ALS2: variants seen among roughly 807,000 people sequenced by gnomAD.
ALS2 encodes alsin Rho guanine nucleotide exchange factor ALS2.
ALS2 carries 117 observed loss-of-function variants against 203.4 expected under a neutral mutation model. That is an observed-to-expected ratio of 0.58 (90% CI 0.50 to 0.67). ALS2 has a LOEUF of 0.67. ALS2 is among the 30% of genes least tolerant of loss of function. The pLI is 0.00. For missense variants in ALS2, 1,715 were observed against 1,989.4 expected (o/e 0.86, Z 2.62); for synonymous variants, 718 against 725.9 (o/e 0.99, Z 0.17).
At chr2:201,709,684 A>G (rs983732758) in intron 27 of ALS2, among the ~76,000 whole-genome samples, 197 bp downstream of exon 27, 1 of 152,324 alleles carries the variant, frequency 6.6e-6, no homozygotes, top group Non-Finnish European at 1.5e-5. Flanking sequence ...AAGACATAAA[A>G]ATAAATAAAT....
At chr2:201,728,448 T>C (rs1170728465) in intron 15 of ALS2, 64 bp downstream of exon 15, 1 of 1,581,774 alleles carries the variant, frequency 6.3e-7, no homozygotes. Flanking sequence ...AAACTGATAG[T>C]ACAGTTAATA....
intron 15 of ALS2, among the ~76,000 whole-genome samples, chr2:201,728,252 G>A (rs572951975): frequency 1.3e-5 from 2 of 150,592 alleles, no homozygotes; most frequent in Admixed American, 6.6e-5. Flanking sequence ...CTCCTCCCCC[G>A]ACCCCACGAC....
intron 12 of ALS2, among the ~76,000 whole-genome samples, chr2:201,734,511 A>C (rs1309338513): frequency 6.6e-6 from 1 of 151,400 alleles, no homozygotes; most frequent in Non-Finnish European, 1.5e-5. Context: ...GATTTTATTT[A>C]TATTTGGCTG....
In ALS2 at chr2:201,737,912, A is replaced by G. The variant is rs1304696997; in HGVS notation, c.2417+758T>C. ...ATTCCAGCCTGGATGACAGAGCGAGACCCCGTCTCAAAAAAAAAAAAGCAA... is the reference window on the plus strand; with the variant it reads ...ATTCCAGCCTGGATGACAGAGCGAGGCCCCGTCTCAAAAAAAAAAAAGCAA... On this transcript the variant is annotated intron_variant, in intron 12 of 33. Transcript: ENST00000264276. Among the ~76,000 whole-genome samples the G allele has an allele frequency of 2.0e-5, 3 of 150,704 alleles. No homozygotes were observed. The East Asian group carries it at 5.8e-4, about 29-fold the overall frequency.
At chr2:201,705,053 A>G (rs989893114) in intron 31 of ALS2, 86 bp downstream of exon 31, 64 of 1,312,744 alleles carry the variant, frequency 4.9e-5, no homozygotes, top group Non-Finnish European at 6.8e-5. Context: ...CTTAAGGCTT[A>G]GGTAAAGATA....
intron 29 of ALS2, 49 bp downstream of exon 29, chr2:201,706,797 G>C (rs1460616578): frequency 6.2e-7 from 1 of 1,603,768 alleles, no homozygotes; most frequent in African/African-American, 1.3e-5. Flanking sequence ...AATGCAGTTT[G>C]CATTTTAAAT....
chr2:201,710,284 C>T (rs554944456), intron 26 of ALS2, among the ~76,000 whole-genome samples: 167 of 152,068 alleles, frequency 1.1e-3, no homozygotes, highest in Non-Finnish European at 2.2e-3. Context: ...TTTGGAAGTA[C>T]TGATATGGAA....
chr2:201,715,805 C>G lies in ALS2; in HGVS notation c.3871G>C (p.Glu1291Gln). Residue 1291 changes from glutamate to glutamine, a missense_variant, in exon 25 of 34, where the codon GAG becomes CAG. By Grantham distance (29) the Glu-to-Gln change is conservative (BLOSUM62 2). Around this residue, in one of 3 missense-constraint regions of ALS2, gnomAD observed 1,227 missense variants for 1,413.5 expected, o/e 0.87. Transcript: ENST00000264276. ...KLGNLAVPADEKWKAVFDECW... is the reference protein window; with the variant it reads ...KLGNLAVPADQKWKAVFDECW... ...TCGTCAAACACCGCTTTCCACTTCT[C>G]ATCAGCTGGCACTGCCAGGTTTCCT... is the stretch of plus-strand genomic sequence containing the variant. 6.2e-7 allele frequency: 1 copy of G among 1,614,228 alleles called. No homozygotes were observed. Among genetic ancestry groups the G allele is most frequent in the South Asian group, 1.1e-5 (1 of 91,082 alleles).
In ALS2 at chr2:201,741,743, T is replaced by C. The variant is rs370377488; in HGVS notation, c.2282A>G (p.His761Arg). The C allele has an allele frequency of 1.5e-5, 24 of 1,613,978 alleles. No homozygotes were observed. The highest frequency in any genetic ancestry group is 6.7e-5 in the Admixed American group (4 of 59,992). ...CAAACTCCTGGCTTCCTTTACCCCA[T>C]GAAGGAAGCTGCTCAATGAGGCTCC... ...QHGASLSSFL[H>R]GVKEARSLVI... Residue 761 changes from histidine to arginine, a missense_variant, in exon 11 of 34, where the codon CAT becomes CGT. Around this residue, in one of 3 missense-constraint regions of ALS2, gnomAD observed 1,227 missense variants for 1,413.5 expected, o/e 0.87. Transcript: ENST00000264276.
intron 4 of ALS2, chr2:201,760,056 C>T (rs1281228706): frequency 1.1e-6 from 1 of 949,614 alleles, no homozygotes; most frequent in Non-Finnish European, 1.3e-6. Flanking sequence ...GGCATGATGG[C>T]TCATGCCTGT....
In ALS2 at chr2:201,723,437, C is replaced by G. The variant is rs41309046; in HGVS notation, c.3517G>C (p.Glu1173Gln). The change falls in exon 22 of 34, where the codon GAA becomes CAA. Residue 1173 changes from glutamate (E) to glutamine (Q), a missense_variant. Around this residue, in one of 3 missense-constraint regions of ALS2, gnomAD observed 1,227 missense variants for 1,413.5 expected, o/e 0.87. Transcript: ENST00000264276. ...YGVFDDITRG[E>Q]KYMGMWQDDV... ...TCTTGCCACATTCCCATATACTTTT[C>G]CCCCCTGCACAGAAATAAAAAGAAA... The G allele has an allele frequency of 5.0e-6, 8 of 1,610,166 alleles. 1 individual carries two copies. In the South Asian group the frequency reaches 8.8e-5, roughly 18 times the overall value.
In ALS2 at chr2:201,761,687, T is replaced by G. The variant is rs1476578635; in HGVS notation, c.307A>C (p.Ser103Arg). 1.2e-6 allele frequency: 2 copies of G among 1,614,034 alleles called. No homozygotes were observed. Residue 103 changes from serine to arginine, a missense_variant, in exon 4 of 34, where the codon AGT becomes CGT. Transcript: ENST00000264276. ...VITVATGSFH[S>R]GAVTDNGVAY... ...ACACCATTGTCTGTCACTGCTCCAC[T>G]ATGGAAGCTTCCTGTTGCCACAGTA...
chr2:201,726,580 T>C (rs1247540630), intron 18 of ALS2, 31 bp from the exon 19 acceptor site: 3 of 1,608,276 alleles, frequency 1.9e-6, no homozygotes, highest in Admixed American at 3.3e-5. Flanking sequence ...ATAATGCATG[T>C]CAACTAATAT....
At chr2:201,770,540 G>C (rs1471606718) in intron 1 of ALS2, among the ~76,000 whole-genome samples, 2 of 151,788 alleles carry the variant, frequency 1.3e-5, no homozygotes, top group African/African-American at 4.8e-5. Flanking sequence ...GCCAAATAAC[G>C]GTCTCCAAAG....
intron 2 of ALS2, among the ~76,000 whole-genome samples, chr2:201,768,315 G>T (rs908525302): frequency 6.6e-6 from 1 of 152,078 alleles, no homozygotes; most frequent in Non-Finnish European, 1.5e-5. Flanking sequence ...TATCCTAACT[G>T]CCTTCTTCTA....
rs74666822 is a variant in ALS2 at position 201,729,457 on chromosome 2, A to G, written c.2581-274T>C. Among the ~76,000 whole-genome samples, 12,931 of 152,194 alleles carry G rather than the reference A, an allele frequency of 0.085. 613 individuals carry two copies. The highest frequency in any genetic ancestry group is 0.12 in the Middle Eastern group (35 of 294). On this transcript the variant is annotated intron_variant, in intron 13 of 33. Transcript: ENST00000264276. Reference sequence around the variant, plus strand: ...TAGAGCAGCAGAGACCCCAGGATAGAGCAGGAGTTCTCAAATATTTTGGTC... The same window carrying G: ...TAGAGCAGCAGAGACCCCAGGATAGGGCAGGAGTTCTCAAATATTTTGGTC...
intron 12 of ALS2, among the ~76,000 whole-genome samples, chr2:201,737,031 G>C (rs1275185136): frequency 1.3e-5 from 2 of 151,968 alleles, no homozygotes; most frequent in Non-Finnish European, 2.9e-5. Context: ...TGAACTTCCA[G>C]GAAACAGAAA....
At chr2:201,743,927 G>A (rs746972418) in intron 10 of ALS2, among the ~76,000 whole-genome samples, 34 of 152,170 alleles carry the variant, frequency 2.2e-4, no homozygotes, top group Non-Finnish European at 7.3e-5. Context: ...GGACCAGCAG[G>A]GGGAGAAGTG....
intron 3 of ALS2, chr2:201,763,408 GGCCACCT>G (rs1693876674): frequency 1.3e-5 from 3 of 223,384 alleles, no homozygotes; most frequent in African/African-American, 6.9e-5. Flanking sequence ...ACTTCACCAA[GGCCACCT>G]ATGATGCCAT....
Sources: allele counts gnomAD v4.1 joint callset (sites outside exome capture counted in the v4.1 genomes callset), GRCh38; gene constraint gnomAD v4.1.1; regional missense constraint gnomAD v4.1.1; transcripts MANE v1.5; gene names NCBI Gene and HGNC (gene_info 2026-07-23, HGNC 2026-07-21).